The following IQANK1 variants were observed in gnomAD, a reference collection of about 807,000 sequenced individuals.
IQANK1 encodes the protein IQ motif and ankyrin repeat domain-containing protein 1.
In IQANK1, 30 loss-of-function variants were observed where a neutral mutation model predicts 22.6. The ratio of observed to expected loss-of-function variants is 1.33; its 90% confidence interval spans 0.99 to 1.80. The LOEUF (loss-of-function observed/expected upper bound fraction) is 1.80. Among genes scored for constraint, IQANK1 ranks in the 40% most tolerant of loss-of-function variants. IQANK1 has a pLI of 0.00. For synonymous variants in IQANK1, 122 were observed against 99.6 expected, an observed-to-expected ratio of 1.23 and a Z score of -1.34; for missense variants, 275 against 235.2, an observed-to-expected ratio of 1.17 and a Z score of -1.11.
intron 2 of IQANK1, among the ~76,000 whole-genome samples, chr8:143,738,977 T>C (rs1360129475): frequency 5.3e-5 from 8 of 152,170 alleles, no homozygotes; most frequent in Admixed American, 2.6e-4. Context: ...TTCGGGCCAC[T>C]GCACTGCGGC....
chr8:143,788,366 G>A (rs572986641), intron 7 of IQANK1, among the ~76,000 whole-genome samples: 2 of 152,326 alleles, frequency 1.3e-5, no homozygotes, highest in East Asian at 1.9e-4. Context: ...GGACTCACCC[G>A]GCGCAGCTGG....
chr8:143,790,643 G>C lies in IQANK1; in HGVS notation c.*35G>C. ...CAGTCCCAATAAAACGTGTGCCCCG[G>C]GGCGCGGTGCTGCATCTGTGCTGCG... On this transcript the variant is annotated 3_prime_UTR_variant, in exon 14 of 14. Coordinates refer to ENST00000527139, the MANE Select transcript of IQANK1 (RefSeq NM_001381874.1). 1 of 398,532 alleles carries C rather than the reference G, an allele frequency of 2.5e-6. No individual in the cohort carries two copies. Among genetic ancestry groups the C allele is most frequent in the Non-Finnish European group, 4.4e-6 (1 of 226,064 alleles). 24.7% of individuals were successfully genotyped at this position (398,532 alleles called of 1,614,324 possible). A position where few individuals can be genotyped will look rare whatever the true frequency, so the allele number is the denominator to read the frequency against.
intron 3 of IQANK1, among the ~76,000 whole-genome samples, chr8:143,749,321 T>A (rs1488756128): frequency 3.4e-5 from 3 of 88,924 alleles, no homozygotes; most frequent in East Asian, 3.1e-4. Flanking sequence ...AAAATATATA[T>A]AAAAATATAT....
At chr8:143,768,334 C>G (rs548578535) in intron 3 of IQANK1, among the ~76,000 whole-genome samples, 27 of 152,054 alleles carry the variant, frequency 1.8e-4, no homozygotes, top group Non-Finnish European at 2.1e-4. Flanking sequence ...CCGCGAATGT[C>G]TCACTGCTTG....
At chr8:143,741,545 T>C (rs1818914851) in intron 3 of IQANK1, among the ~76,000 whole-genome samples, 1 of 152,170 alleles carries the variant, frequency 6.6e-6, no homozygotes, top group African/African-American at 2.4e-5. Flanking sequence ...TCTACACATG[T>C]GCCTGGGAGT....
At chr8:143,779,741 A>T (rs924436263) in intron 7 of IQANK1, among the ~76,000 whole-genome samples, 5 of 152,240 alleles carry the variant, frequency 3.3e-5, no homozygotes, top group African/African-American at 1.2e-4. Context: ...ATATATTCAG[A>T]AATGGGACTA....
intron 3 of IQANK1, among the ~76,000 whole-genome samples, chr8:143,755,965 T>C (rs907181476): frequency 6.6e-6 from 1 of 152,210 alleles, no homozygotes; most frequent in Non-Finnish European, 1.5e-5. Flanking sequence ...TGCTGCTCAT[T>C]GATAAAGCAT....
Position 143,750,944 on chromosome 8 carries a change from T to TTGTGTGTGTG in IQANK1, c.175+11010_175+11019dup, listed in dbSNP as rs56002701. Among the ~76,000 whole-genome samples, 10 of 149,802 alleles carry TTGTGTGTGTG rather than the reference T, an allele frequency of 6.7e-5. No individual in the cohort carries two copies. In the East Asian group the frequency reaches 1.6e-3, roughly 23 times the overall value. ...TCATTTCCTGAATTACTGTCTTCTT[T>TTGTGTGTGTG]TGTGTGTGTGTGTGTGTGTGTGTTT... On this transcript the variant is annotated intron_variant, in intron 3 of 13. Transcript: ENST00000527139.
chr8:143,789,245 T>TGACACAAG lies in IQANK1; in HGVS notation c.993+4_993+5insCACAAGGA, dbSNP rs1284795685. On this transcript the variant is annotated splice_region_variant and intron_variant, in intron 9 of 13. Coordinates refer to ENST00000527139, the MANE Select transcript of IQANK1 (RefSeq NM_001381874.1). Reference sequence around the variant, plus strand: ...GAGCAGCAGCAGTGTCACAAGGAGGTGAGTGTGACCTCAGGGAGGAGCCAG... The same window carrying TGACACAAG: ...GAGCAGCAGCAGTGTCACAAGGAGGTGACACAAGGAGTGTGACCTCAGGGAGGAGCCAG... The TGACACAAG allele has an allele frequency of 2.0e-5, 8 of 392,850 alleles. No individual in the cohort carries two copies. The highest frequency in any genetic ancestry group is 3.5e-5 in the Non-Finnish European group (8 of 225,366). 24.3% of individuals were successfully genotyped at this position (392,850 alleles called of 1,614,324 possible). A position where few individuals can be genotyped will look rare whatever the true frequency, so the allele number is the denominator to read the frequency against.
At chr8:143,782,653 T>C (rs148218502) in intron 7 of IQANK1, among the ~76,000 whole-genome samples, 34 of 152,250 alleles carry the variant, frequency 2.2e-4, no homozygotes, top group Middle Eastern at 3.4e-3. Flanking sequence ...GCTAATTTTG[T>C]ATTAGTAGAG....
chr8:143,761,177 G>A (rs1554628857), intron 3 of IQANK1, among the ~76,000 whole-genome samples: 1 of 152,184 alleles, frequency 6.6e-6, no homozygotes, highest in African/African-American at 2.4e-5. Flanking sequence ...GCCCGAGAAG[G>A]GACCCGGAGC....
intron 3 of IQANK1, among the ~76,000 whole-genome samples, chr8:143,752,208 T>C (rs2129842119): frequency 6.6e-6 from 1 of 152,268 alleles, no homozygotes; most frequent in Non-Finnish European, 1.5e-5. Context: ...TCAGGTGATC[T>C]GCCCACCTTG....
At chr8:143,783,196 T>A (rs1554631086) in intron 7 of IQANK1, among the ~76,000 whole-genome samples, 1 of 152,198 alleles carries the variant, frequency 6.6e-6, no homozygotes, top group Non-Finnish European at 1.5e-5. Context: ...TACCAGTTTA[T>A]CCACTCCCAC....
Position 143,736,520 on chromosome 8 carries a change from A to G in IQANK1, c.85+582A>G, listed in dbSNP as rs553761176. Among the ~76,000 whole-genome samples, 7 of 152,212 alleles carry G rather than the reference A, an allele frequency of 4.6e-5. No homozygotes were observed. In the South Asian group the frequency reaches 1.5e-3, roughly 32 times the overall value. On this transcript the variant is annotated intron_variant, in intron 2 of 13. Coordinates refer to ENST00000527139, the MANE Select transcript of IQANK1 (RefSeq NM_001381874.1). ...TCAGAGAAGCCCAGCTTTGGAACAC[A>G]TGGAGGTGGGAAGGGGGCAGGAGCC...
chr8:143,748,234 A>G (rs1269327997), intron 3 of IQANK1, among the ~76,000 whole-genome samples: 2 of 151,342 alleles, frequency 1.3e-5, no homozygotes, highest in African/African-American at 4.9e-5. Flanking sequence ...AGCTCAAGTG[A>G]TCTACCCGAC....
chr8:143,772,948 T>C (rs757792454), intron 7 of IQANK1, among the ~76,000 whole-genome samples: 29 of 152,324 alleles, frequency 1.9e-4, no homozygotes, highest in South Asian at 4.1e-4. Context: ...TCCAGAGAAC[T>C]TGAGCCACAC....
chr8:143,753,963 C>T (rs1554628301), intron 3 of IQANK1, among the ~76,000 whole-genome samples: 1 of 152,014 alleles, frequency 6.6e-6, no homozygotes, highest in Non-Finnish European at 1.5e-5. Context: ...TAGGCTGTCT[C>T]TTTCCAAGGC....
intron 3 of IQANK1, among the ~76,000 whole-genome samples, chr8:143,748,619 A>G (rs1554627521): frequency 7.8e-6 from 1 of 128,706 alleles, no homozygotes; most frequent in Non-Finnish European, 1.5e-5. Flanking sequence ...ATATATAAAT[A>G]TATAATATAT....
intron 7 of IQANK1, among the ~76,000 whole-genome samples, chr8:143,772,815 C>T (rs1233214714): frequency 1.3e-5 from 2 of 152,218 alleles, no homozygotes; most frequent in Non-Finnish European, 2.9e-5. Flanking sequence ...CGTGCTTTGC[C>T]TGAGGAAGTG....
Sources: gnomAD v4.1 joint callset for allele counts (sites outside exome capture counted in the v4.1 genomes callset) on GRCh38, gnomAD v4.1.1 for gene constraint, MANE v1.5 for transcripts, NCBI Gene and HGNC (gene_info 2026-07-23, HGNC 2026-07-21) for gene names.